The following OLA1 variants were observed in gnomAD, a reference collection of about 807,000 sequenced individuals.
OLA1 encodes obg-like ATPase 1.
In OLA1, 14 loss-of-function variants were observed where a neutral mutation model predicts 48.4. The ratio of observed to expected loss-of-function variants is 0.29; its 90% confidence interval spans 0.19 to 0.45. The LOEUF (loss-of-function observed/expected upper bound fraction) is 0.45. Ranked by LOEUF, OLA1 falls within the 20% of genes least tolerant of loss-of-function variation. The probability of loss-of-function intolerance (pLI) is 1.00; values close to 1 mark genes in which losing one functional copy is unlikely to be tolerated. For synonymous variants in OLA1, 127 were observed against 150.4 expected (o/e 0.84, Z 1.14); for missense variants, 325 against 467.1 (o/e 0.70, Z 2.80).
intron 4 of OLA1, among the ~76,000 whole-genome samples, chr2:174,169,804 T>C (rs573777567): frequency 2.0e-5 from 3 of 152,346 alleles, no homozygotes; most frequent in East Asian, 1.9e-4. Flanking sequence ...TTCCTCATAA[T>C]ACAAATATAT....
intron 3 of OLA1, among the ~76,000 whole-genome samples, chr2:174,224,738 T>C (rs932834225): frequency 2.0e-5 from 3 of 152,188 alleles, no homozygotes; most frequent in African/African-American, 7.2e-5. Context: ...ACTCTGAACA[T>C]GGATGAGAAA....
intron 7 of OLA1, among the ~76,000 whole-genome samples, chr2:174,094,188 C>T (rs947051655): frequency 1.3e-5 from 2 of 152,086 alleles, no homozygotes; most frequent in Non-Finnish European, 2.9e-5. Flanking sequence ...ACTGCAGGGT[C>T]TACAAATGAC....
intron 4 of OLA1, among the ~76,000 whole-genome samples, chr2:174,181,283 G>A (rs558302221): frequency 4.6e-5 from 7 of 152,268 alleles, no homozygotes; most frequent in South Asian, 2.1e-4. Flanking sequence ...AAAAGGAATC[G>A]AATGTGAAGA....
At chr2:174,233,083 A>C (rs1688768519) in intron 2 of OLA1, among the ~76,000 whole-genome samples, 2 of 152,246 alleles carry the variant, frequency 1.3e-5, no homozygotes, top group Admixed American at 1.3e-4. Context: ...CACTATGCTG[A>C]GTAAAATAAG....
intron 8 of OLA1, 142 bp from the exon 9 acceptor site, chr2:174,081,390 G>A: frequency 3.3e-6 from 2 of 598,460 alleles, no homozygotes; most frequent in Non-Finnish European, 2.9e-6. Context: ...ACACTGGAAG[G>A]GTTCAGAAAG....
chr2:174,202,465 G>A (rs2105433431), intron 4 of OLA1, among the ~76,000 whole-genome samples: 1 of 152,240 alleles, frequency 6.6e-6, no homozygotes, highest in Admixed American at 6.5e-5. Context: ...AGTAAAAAGT[G>A]ATCTCTTGCA....
At chr2:174,154,763 G>T (rs1271794354) in intron 4 of OLA1, among the ~76,000 whole-genome samples, 1 of 152,122 alleles carries the variant, frequency 6.6e-6, no homozygotes, top group Non-Finnish European at 1.5e-5. Context: ...GTCTTTATTA[G>T]CAATACTGTA....
rs1423819113 is a variant in OLA1 at position 174,082,025 on chromosome 2, T to G, written c.768A>C (p.Pro256=). 3.1e-6 allele frequency: 5 copies of G among 1,613,406 alleles called. No homozygotes were observed. The highest frequency in any genetic ancestry group is 4.2e-6 in the Non-Finnish European group (5 of 1,179,528). ...KIKEWVDKYD[P]GALVIPFSGA... ...CACTAAAAGGAATGACCAAAGCACCTGGGTCATACTTGTCCACCCACTCTT... is the reference window on the plus strand; with the variant it reads ...CACTAAAAGGAATGACCAAAGCACCGGGGTCATACTTGTCCACCCACTCTT... Residue 256 remains proline, a synonymous_variant, in exon 8 of 11, where the codon CCA becomes CCC. Coordinates refer to ENST00000284719, the MANE Select transcript of OLA1 (RefSeq NM_013341.5).
intron 4 of OLA1, among the ~76,000 whole-genome samples, chr2:174,204,974 C>T (rs1688075831): frequency 6.6e-6 from 1 of 152,160 alleles, no homozygotes; most frequent in Admixed American, 6.5e-5. Context: ...AAATTCCCTT[C>T]CCTGTTACTC....
intron 4 of OLA1, among the ~76,000 whole-genome samples, chr2:174,169,991 T>C (rs941666223): frequency 2.0e-5 from 3 of 152,210 alleles, no homozygotes; most frequent in Admixed American, 6.5e-5. Flanking sequence ...TGGGATTATA[T>C]ACTTTCAAGT....
chr2:174,140,371 T>C (rs1558972587), intron 5 of OLA1, among the ~76,000 whole-genome samples: 1 of 131,306 alleles, frequency 7.6e-6, no homozygotes, highest in Non-Finnish European at 1.7e-5. Flanking sequence ...TTTTCTTTCT[T>C]TTTTTTTTTT....
chr2:174,243,547 C>T lies in OLA1; in HGVS notation c.101+3168G>A, dbSNP rs573186946. On this transcript the variant is annotated intron_variant, in intron 2 of 10. Transcript: ENST00000284719. Reference sequence around the variant, plus strand: ...CTATGTTCCTAACACCATCGTGTCCCGTTAACAAATAATTACTAAATATCT... The same window carrying T: ...CTATGTTCCTAACACCATCGTGTCCTGTTAACAAATAATTACTAAATATCT... Among the ~76,000 whole-genome samples, 18 of 152,214 alleles carry T rather than the reference C, an allele frequency of 1.2e-4. No homozygotes were observed. In the East Asian group the frequency reaches 2.7e-3, roughly 23 times the overall value.
At position 174,114,341 on chromosome 2, in the gene OLA1, C is replaced by CAAAAAAA. The variant is rs76471043; in HGVS notation, c.728+8832_728+8838dup. Among the ~76,000 whole-genome samples, 117 of 60,626 alleles carry CAAAAAAA rather than the reference C, an allele frequency of 1.9e-3. 8 individuals carry two copies. The highest frequency in any genetic ancestry group is 0.019 in the East Asian group (24 of 1,292). The allele number at this position is 60,626 out of a possible 152,430, so 39.8% of individuals were successfully genotyped here. ...TGGGCGACAGAGCAAGACTCCGCCT[C>CAAAAAAA]AAAAAAAAAAAAAAAAAAAAAAAAA... On this transcript the variant is annotated intron_variant, in intron 7 of 10. Transcript: ENST00000284719.
At position 174,123,067 on chromosome 2, in the gene OLA1, TAAG is replaced by T; in HGVS notation, c.728+110_728+112del. 5.1e-6 allele frequency: 3 copies of T among 588,672 alleles called. No individual in the cohort carries two copies. In the South Asian group the frequency reaches 6.7e-5, roughly 13 times the overall value. The allele number at this position is 588,672 out of a possible 1,614,324, so 36.5% of individuals were successfully genotyped here. ...TTCTCATCCATTTTAAACTTTTTAATAAGGAGAAAAATATTAAAATTAAACATT... is the reference window on the plus strand; with the variant it reads ...TTCTCATCCATTTTAAACTTTTTAATGAGAAAAATATTAAAATTAAACATT... On this transcript the variant is annotated intron_variant, in intron 7 of 10. Coordinates refer to ENST00000284719, the MANE Select transcript of OLA1 (RefSeq NM_013341.5).
At chr2:174,215,262 A>G (rs1346242235) in intron 4 of OLA1, among the ~76,000 whole-genome samples, 2 of 152,220 alleles carry the variant, frequency 1.3e-5, no homozygotes, top group Non-Finnish European at 2.9e-5. Context: ...TGTTAAATTC[A>G]TAGAACTGTA....
At chr2:174,114,172 CAA>C (rs33971592) in intron 7 of OLA1, among the ~76,000 whole-genome samples, 16 of 78,208 alleles carry the variant, frequency 2.0e-4, no homozygotes, top group African/African-American at 8.9e-4. Flanking sequence ...ACTAAAAATA[CAA>C]AAAAAAAAAA....
intron 7 of OLA1, among the ~76,000 whole-genome samples, chr2:174,099,376 G>C (rs535794606): frequency 6.6e-6 from 1 of 152,056 alleles, no homozygotes. Context: ...GGATGGTCTC[G>C]ATCTCTTGAA....
At chr2:174,141,401 T>C (rs1686442541) in intron 5 of OLA1, among the ~76,000 whole-genome samples, 1 of 152,250 alleles carries the variant, frequency 6.6e-6, no homozygotes, top group Non-Finnish European at 1.5e-5. Flanking sequence ...TTCCATAAAA[T>C]ATTAAAATGA....
At chr2:174,241,276 C>A (rs754506716) in intron 2 of OLA1, among the ~76,000 whole-genome samples, 10 of 152,190 alleles carry the variant, frequency 6.6e-5, no homozygotes, top group Non-Finnish European at 1.0e-4. Context: ...GGCAGAAGAC[C>A]TTTCTAACTC....
Sources: allele counts gnomAD v4.1 joint callset (sites outside exome capture counted in the v4.1 genomes callset), GRCh38; gene constraint gnomAD v4.1.1; transcripts MANE v1.5; gene names NCBI Gene and HGNC (gene_info 2026-07-23, HGNC 2026-07-21).